The following FBXL15 variants were observed in gnomAD, a reference collection of about 807,000 sequenced individuals.
FBXL15 encodes F-box and leucine rich repeat protein 15, also known as F-box/LRR-repeat protein 15.
FBXL15 carries 19 observed loss-of-function variants against 23.6 expected under a neutral mutation model. That is an observed-to-expected ratio of 0.81 (90% CI 0.56 to 1.18). The LOEUF (loss-of-function observed/expected upper bound fraction) is 1.18. FBXL15 is among the 50% of genes most tolerant of loss of function. The pLI is 0.00. For synonymous variants in FBXL15, 224 were observed against 207.7 expected (o/e 1.08, Z -0.67); for missense variants, 385 against 425.4 (o/e 0.91, Z 0.83).
chr10:102,423,117 A>C lies in FBXL15; in HGVS notation c.*124A>C. The stretch of plus-strand genomic sequence containing the variant: ...GCCCTGCCCCACCCTGGAGCTTCAA[A>C]TAAAGAGCTTTTTACCCCCTCTTGC... On this transcript the variant is annotated 3_prime_UTR_variant, in exon 4 of 4. Coordinates refer to ENST00000369956, the MANE Select transcript of FBXL15 (RefSeq NM_024326.4). The surrounding 1 kb of genome is among the most constrained non-coding windows in gnomAD (Gnocchi z 5.6). 2 of 1,090,584 alleles carry C rather than the reference A, an allele frequency of 1.8e-6. No individual in the cohort carries two copies. The highest frequency in any genetic ancestry group is 2.6e-6 in the Non-Finnish European group (2 of 771,876). 67.6% of individuals were successfully genotyped at this position (1,090,584 alleles called of 1,614,324 possible). A position where few individuals can be genotyped will look rare whatever the true frequency, so the allele number is the denominator to read the frequency against.
rs1161066050 is a variant in FBXL15 at position 102,422,069 on chromosome 10, C to A, written c.490C>A (p.Arg164Ser). 1.3e-6 allele frequency: 2 copies of A among 1,587,404 alleles called. No individual in the cohort carries two copies. Among genetic ancestry groups the A allele is most frequent in the South Asian group, 2.3e-5 (2 of 88,650 alleles). The change falls in exon 3 of 4, where the codon CGC (arginine) becomes AGC (serine). Residue 164 changes from arginine (R) to serine (S), a missense_variant. Transcript: ENST00000369956. The part of the protein sequence containing the change: ...DGLALRGLAD[R>S]CPALEELDLT... ...GCTGGCGCTGCGCGGCCTCGCTGAT[C>A]GCTGCCCGGCCCTGGAGGAGCTGGA...
rs1464546054 is a variant in FBXL15 at position 102,421,057 on chromosome 10, G to T, written c.-73G>T. Reference sequence around the variant, plus strand: ...AAATAGGTCTGTCTCTACAGGCCAAGGAGGCGGGTTTGGTGCGGCCACTCC... The same window carrying T: ...AAATAGGTCTGTCTCTACAGGCCAATGAGGCGGGTTTGGTGCGGCCACTCC... On this transcript the variant is annotated 5_prime_UTR_variant, in exon 1 of 4. It adds an upstream start codon to the 5' untranslated region. Transcript: ENST00000369956. 2 of 1,559,122 alleles carry T rather than the reference G, an allele frequency of 1.3e-6. No individual in the cohort carries two copies. The highest frequency in any genetic ancestry group is 2.7e-5 in the African/African-American group (2 of 73,484).
At chr10:102,421,569 C>T (rs1161586600) in intron 2 of FBXL15, 62 bp downstream of exon 2, 14 of 1,436,598 alleles carry the variant, frequency 9.7e-6, no homozygotes, top group Middle Eastern at 2.5e-4. Flanking sequence ...GCCCAGCCCC[C>T]AGCCCCGCAG....
rs751959928 is a variant in FBXL15 at position 102,421,456 on chromosome 10, G to C, written c.156G>C (p.Arg52=). Residue 52 remains arginine (R), a synonymous_variant, in exon 2 of 4, where the codon CGG becomes CGC. Transcript: ENST00000369956. Reference sequence around the variant, plus strand: ...TGCAGCGCGTTAGCCGGGCCTTCCGGTCGCTGGTGCAGCTTCACCTGGCCG... The same window carrying C: ...TGCAGCGCGTTAGCCGGGCCTTCCGCTCGCTGGTGCAGCTTCACCTGGCCG... The part of the protein sequence containing the change: ...LRLQRVSRAF[R]SLVQLHLAGL... The C allele has an allele frequency of 6.5e-7, 1 of 1,531,662 alleles. No homozygotes were observed. The highest frequency in any genetic ancestry group is 1.4e-5 in the African/African-American group (1 of 72,788). 94.9% of individuals were successfully genotyped at this position (1,531,662 alleles called of 1,614,324 possible).
intron 2 of FBXL15, 72 bp downstream of exon 2, chr10:102,421,579 G>A (rs546691124): frequency 1.3e-5 from 18 of 1,435,718 alleles, no homozygotes; most frequent in Non-Finnish European, 9.1e-7. Flanking sequence ...CAGCCCCGCA[G>A]TATGCCCTTC....
At chr10:102,422,679 C>T (rs1444883590) in intron 3 of FBXL15, 125 bp from the exon 4 acceptor site, 6 of 1,062,092 alleles carry the variant, frequency 5.6e-6, no homozygotes, top group African/African-American at 3.2e-5. Flanking sequence ...GCCCCTGCCC[C>T]GAGCTGGAGG....
At chr10:102,421,243 G>A in intron 1 of FBXL15, 61 bp downstream of exon 1, 2 of 1,584,518 alleles carry the variant, frequency 1.3e-6, no homozygotes, top group Admixed American at 1.8e-5. Context: ...GCCGAGCCGG[G>A]GCTGGGTCTG....
intron 1 of FBXL15, 55 bp downstream of exon 1, chr10:102,421,237 A>C (rs768601931): frequency 1.3e-5 from 20 of 1,588,094 alleles, no homozygotes; most frequent in Non-Finnish European, 1.5e-5. Context: ...AGGGGAGCCG[A>C]GCCGGGGCTG....
In FBXL15 at chr10:102,422,216, G is replaced by C; in HGVS notation, c.637G>C (p.Glu213Gln). Residue 213 changes from glutamate (E) to glutamine (Q), a missense_variant, in exon 3 of 4, where the codon GAG (glutamate) becomes CAG (glutamine). Glu to Gln is a conservative substitution (Grantham distance 29). Transcript: ENST00000369956. Reference protein sequence around the residue: ...NANVGDAAVQELARNCPELHH... With the variant: ...NANVGDAAVQQLARNCPELHH... ...CAACGTGGGGGACGCCGCGGTTCAA[G>C]AGTTGGCTCGGAACTGCCCAGAACT... 6.5e-7 allele frequency: 1 copy of C among 1,530,312 alleles called. No individual in the cohort carries two copies. The allele number at this position is 1,530,312 out of a possible 1,614,324, so 94.8% of individuals were successfully genotyped here. A position where few individuals can be genotyped will look rare whatever the true frequency, so the allele number is the denominator to read the frequency against.
chr10:102,421,615 G>A (rs994714092), intron 2 of FBXL15, 108 bp downstream of exon 2: 60 of 1,424,414 alleles, frequency 4.2e-5, no homozygotes, highest in Non-Finnish European at 5.3e-5. Context: ...CGCCGGGGCT[G>A]CCCGGAAGGG....
chr10:102,422,936 C>T lies in FBXL15; in HGVS notation c.846C>T (p.Ala282=), dbSNP rs1486951088. 3 of 1,607,054 alleles carry T rather than the reference C, an allele frequency of 1.9e-6. No individual in the cohort carries two copies. Among genetic ancestry groups the T allele is most frequent in the South Asian group, 1.1e-5 (1 of 90,086 alleles). ...ACGTGGAGCCGCCGCTGCACCAGGCCCTGGTGCTGCTGCAGGATATGGCGG... is the reference window on the plus strand; with the variant it reads ...ACGTGGAGCCGCCGCTGCACCAGGCTCTGGTGCTGCTGCAGGATATGGCGG... ...DIDVEPPLHQ[A]LVLLQDMAGF... is the part of the protein sequence containing the mutation. Residue 282 remains alanine (A), a synonymous_variant, in exon 4 of 4, where the codon GCC becomes GCT. Transcript: ENST00000369956.
At position 102,423,094 on chromosome 10, in the gene FBXL15, C is replaced by T; in HGVS notation, c.*101C>T. The T allele has an allele frequency of 1.6e-6, 2 of 1,218,218 alleles. No individual in the cohort carries two copies. Among genetic ancestry groups the T allele is most frequent in the Non-Finnish European group, 2.3e-6 (2 of 885,622 alleles). The allele number at this position is 1,218,218 out of a possible 1,614,324, so 75.5% of individuals were successfully genotyped here. ...AGGACCTCTGGTGAGAGGCCAGTGCCCTGCCCCACCCTGGAGCTTCAAATA... is the reference window on the plus strand; with the variant it reads ...AGGACCTCTGGTGAGAGGCCAGTGCTCTGCCCCACCCTGGAGCTTCAAATA... On this transcript the variant is annotated 3_prime_UTR_variant, in exon 4 of 4. Coordinates refer to ENST00000369956, the MANE Select transcript of FBXL15 (RefSeq NM_024326.4). The surrounding 1 kb of genome is among the most constrained non-coding windows in gnomAD (Gnocchi z 5.6).
At chr10:102,421,248 G>C (rs2061557655) in intron 1 of FBXL15, 66 bp downstream of exon 1, 5 of 1,581,418 alleles carry the variant, frequency 3.2e-6, no homozygotes, top group Non-Finnish European at 4.3e-6. Context: ...GCCGGGGCTG[G>C]GTCTGGGGGC....
chr10:102,421,396 C>A lies in FBXL15; in HGVS notation c.96C>A (p.Val32=). The change falls in exon 2 of 4, where the codon GTC becomes GTA. Residue 32 remains valine, a synonymous_variant. Coordinates refer to ENST00000369956, the MANE Select transcript of FBXL15 (RefSeq NM_024326.4). Reference sequence around the variant, plus strand: ...GGGAAGACGTGCTGCTCCCACACGTCCTGAACCGGGTCCCGCTGCGCCAGC... The same window carrying A: ...GGGAAGACGTGCTGCTCCCACACGTACTGAACCGGGTCCCGCTGCGCCAGC... ...LPWEDVLLPH[V]LNRVPLRQLL... 1 of 1,577,200 alleles carries A rather than the reference C, an allele frequency of 6.3e-7. No homozygotes were observed. The highest frequency in any genetic ancestry group is 8.6e-7 in the Non-Finnish European group (1 of 1,162,148).
rs376147168 is a variant in FBXL15 at position 102,422,295 on chromosome 10, G to T, written c.713+3G>T. ...CGCGTCGGAAGCGACGGTGTCAGGT[G>T]CCTGGGCCTGATAGGGCGGGAGGAG... On this transcript the variant is annotated splice_donor_region_variant and intron_variant, in intron 3 of 3. Transcript: ENST00000369956. 1 of 1,496,414 alleles carries T rather than the reference G, an allele frequency of 6.7e-7. No individual in the cohort carries two copies. Among genetic ancestry groups the T allele is most frequent in the Non-Finnish European group, 8.9e-7 (1 of 1,123,810 alleles). 92.7% of individuals were successfully genotyped at this position (1,496,414 alleles called of 1,614,324 possible).
At position 102,422,912 on chromosome 10, in the gene FBXL15, C is replaced by T. The variant is rs781540798; in HGVS notation, c.822C>T (p.Asp274=). Residue 274 remains aspartate (D), a synonymous_variant, in exon 4 of 4, where the codon GAC becomes GAT. Transcript: ENST00000369956. ...SRLRKRGVDI[D]VEPPLHQALV... ...TGCGGAAGCGCGGCGTGGACATCGACGTGGAGCCGCCGCTGCACCAGGCCC... is the reference window on the plus strand; with the variant it reads ...TGCGGAAGCGCGGCGTGGACATCGATGTGGAGCCGCCGCTGCACCAGGCCC... The T allele has an allele frequency of 3.1e-6, 5 of 1,607,338 alleles. No homozygotes were observed. Among genetic ancestry groups the T allele is most frequent in the South Asian group, 1.1e-5 (1 of 90,294 alleles).
At position 102,421,830 on chromosome 10, in the gene FBXL15, G is replaced by A. The variant is rs768058335; in HGVS notation, c.251G>A (p.Arg84Gln). The change falls in exon 3 of 4, where the codon CGG becomes CAG. Residue 84 changes from arginine (R) to glutamine (Q), a missense_variant. This residue lies in a region of FBXL15 where 255 missense variants were observed against 330.2 expected (regional missense o/e 0.77). Transcript: ENST00000369956. Reference sequence around the variant, plus strand: ...CGGGCCGCATTGGCCCGGCTGCTGCGGGATGCCGAGGGGCTGCAGGAGCTG... The same window carrying A: ...CGGGCCGCATTGGCCCGGCTGCTGCAGGATGCCGAGGGGCTGCAGGAGCTG... Reference protein sequence around the residue: ...IPRAALARLLRDAEGLQELAL... With the variant: ...IPRAALARLLQDAEGLQELAL... The A allele has an allele frequency of 5.7e-6, 9 of 1,579,988 alleles. No homozygotes were observed. The highest frequency in any genetic ancestry group is 7.7e-6 in the Non-Finnish European group (9 of 1,169,364).
In FBXL15 at chr10:102,422,215, A is replaced by T. The variant is rs779905921; in HGVS notation, c.636A>T (p.Gln212His). Reference protein sequence around the residue: ...VNANVGDAAVQELARNCPELH... With the variant: ...VNANVGDAAVHELARNCPELH... ...CCAACGTGGGGGACGCCGCGGTTCA[A>T]GAGTTGGCTCGGAACTGCCCAGAAC... is the stretch of plus-strand genomic sequence containing the variant. Residue 212 changes from glutamine to histidine, a missense_variant, in exon 3 of 4, where the codon CAA becomes CAT. By Grantham distance (24) the Gln-to-His change is conservative. This residue lies in a region of FBXL15 where 255 missense variants were observed against 330.2 expected (regional missense o/e 0.77). Transcript: ENST00000369956. 1 of 1,531,500 alleles carries T rather than the reference A, an allele frequency of 6.5e-7. No individual in the cohort carries two copies. Among genetic ancestry groups the T allele is most frequent in the Non-Finnish European group, 8.8e-7 (1 of 1,138,902 alleles). 94.9% of individuals were successfully genotyped at this position (1,531,500 alleles called of 1,614,324 possible).
At chr10:102,422,463 T>C (rs2061575501) in intron 3 of FBXL15, among the ~76,000 whole-genome samples, 171 bp downstream of exon 3, 1 of 152,210 alleles carries the variant, frequency 6.6e-6, no homozygotes, top group Non-Finnish European at 1.5e-5. Flanking sequence ...AGAGAGCCCA[T>C]AGTTTAAAAA....
Sources: gnomAD v4.1 joint callset for allele counts (sites outside exome capture counted in the v4.1 genomes callset) on GRCh38, gnomAD v4.1.1 for gene constraint, gnomAD v4.1.1 regional missense constraint, Gnocchi (gnomAD v3.1) non-coding constraint, MANE v1.5 for transcripts, NCBI Gene and HGNC (gene_info 2026-07-23, HGNC 2026-07-21) for gene names.